FREM2: variants seen among roughly 807,000 people sequenced by gnomAD.
The protein encoded by FREM2 is FRAS1-related extracellular matrix protein 2.
A neutral mutation model predicts 219.9 loss-of-function variants in FREM2; 119 were observed. That is an observed-to-expected ratio of 0.54 (90% CI 0.47 to 0.63). The LOEUF (loss-of-function observed/expected upper bound fraction) is 0.63, where lower values mean the gene tolerates loss of function less well. Ranked by LOEUF, FREM2 falls within the 30% of genes least tolerant of loss-of-function variation. The probability of loss-of-function intolerance (pLI) is 0.00; values close to 1 mark genes in which losing one functional copy is unlikely to be tolerated. For synonymous variants in FREM2, 1,562 were observed against 1,522.8 expected, an observed-to-expected ratio of 1.03 and a Z score of -0.60; for missense variants, 4,030 against 3,993.6, an observed-to-expected ratio of 1.01 and a Z score of -0.25.
intron 2 of FREM2, among the ~76,000 whole-genome samples, chr13:38,746,710 AT>A (rs1281544235): frequency 6.6e-6 from 1 of 152,194 alleles, no homozygotes; most frequent in Admixed American, 6.5e-5. Context: ...GACCAATGGC[AT>A]TCAAGTAAAG....
At chr13:38,693,007 C>A (rs1159546524) in intron 1 of FREM2, among the ~76,000 whole-genome samples, 1 of 152,184 alleles carries the variant, frequency 6.6e-6, no homozygotes, top group Admixed American at 6.5e-5. Context: ...ATTGCTCTGA[C>A]ACGGTTATAG....
At chr13:38,703,669 TA>T (rs2138085850) in intron 2 of FREM2, among the ~76,000 whole-genome samples, 1 of 152,308 alleles carries the variant, frequency 6.6e-6, no homozygotes, top group Admixed American at 6.5e-5. Context: ...CTCAAGTTTT[TA>T]TACCTTTTAG....
rs574693495 is a variant in FREM2 at position 38,858,214 on chromosome 13, C to T, written c.7215+181C>T. Among the ~76,000 whole-genome samples, 31 of 152,144 alleles carry T rather than the reference C, an allele frequency of 2.0e-4. No individual in the cohort carries two copies. In the South Asian group the frequency reaches 5.4e-3, roughly 26 times the overall value. ...AAAGCTCCCATTTTTCTTTCTTCAC[C>T]GAACAAAGGTTCATTAACTGATGTG... On this transcript the variant is annotated intron_variant, in intron 13 of 23. Transcript: ENST00000280481.
chr13:38,864,436 A>G lies in FREM2; in HGVS notation c.7813A>G (p.Ile2605Val). ...GACTGATGCTACCAAAAATCCAGAA[A>G]TAATTGGAGAGACATATCCTTACCA... ...FLTDATKNPE[I>V]IGETYPYQYS... Residue 2605 changes from isoleucine (I) to valine (V), a missense_variant, in exon 16 of 24, where the codon ATA (isoleucine) becomes GTA (valine). By Grantham distance (29) the Ile-to-Val change is conservative. This residue lies in a region of FREM2 where 928 missense variants were observed against 1,042.9 expected (regional missense o/e 0.89). Coordinates refer to ENST00000280481, the MANE Select transcript of FREM2 (RefSeq NM_207361.6). The G allele has an allele frequency of 6.2e-7, 1 of 1,614,210 alleles. No individual in the cohort carries two copies. Among genetic ancestry groups the G allele is most frequent in the Non-Finnish European group, 8.5e-7 (1 of 1,180,022 alleles).
At chr13:38,722,396 A>G (rs978056008) in intron 2 of FREM2, among the ~76,000 whole-genome samples, 1 of 152,056 alleles carries the variant, frequency 6.6e-6, no homozygotes. Context: ...AACAAACTCA[A>G]GTAATTTTAA....
At position 38,880,304 on chromosome 13, in the gene FREM2, GTATATA is replaced by G. The variant is rs1171956375; in HGVS notation, c.9028_9033del (p.Tyr3010_Ile3011del). 6.2e-7 allele frequency: 1 copy of G among 1,613,862 alleles called. No homozygotes were observed. The highest frequency in any genetic ancestry group is 2.2e-5 in the East Asian group (1 of 44,882). ...TCTAGGTCGCTCTAGGCCGAGAATGGTATATACATACGATCTATACAGTGAGATCGA... is the reference window on the plus strand; with the variant it reads ...TCTAGGTCGCTCTAGGCCGAGAATGGCATACGATCTATACAGTGAGATCGA... On this transcript the variant is annotated inframe_deletion, in exon 24 of 24. Transcript: ENST00000280481.
rs1159706060 is a variant in FREM2 at position 38,880,512 on chromosome 13, G to A, written c.9235G>A (p.Ala3079Thr). 25 of 1,613,998 alleles carry A rather than the reference G, an allele frequency of 1.5e-5. No individual in the cohort carries two copies. The highest frequency in any genetic ancestry group is 2.1e-5 in the Non-Finnish European group (25 of 1,180,032). ...NSRGTNIQHI[A>T]LDRTKRQIPH... ...TCGAGGAACAAACATCCAGCACATT[G>A]CCCTGGACCGCACCAAGAGGCAGAT... is the stretch of plus-strand genomic sequence containing the variant. The change falls in exon 24 of 24, where the codon GCC becomes ACC. Residue 3079 changes from alanine (A) to threonine (T), a missense_variant. Transcript: ENST00000280481.
chr13:38,819,563 A>G (rs1327096389), intron 6 of FREM2, among the ~76,000 whole-genome samples: 1 of 152,148 alleles, frequency 6.6e-6, no homozygotes, highest in Non-Finnish European at 1.5e-5. Flanking sequence ...TTAGGATATC[A>G]AGGTTGTGGT....
intron 2 of FREM2, among the ~76,000 whole-genome samples, chr13:38,737,961 A>T (rs1174279271): frequency 6.6e-6 from 1 of 152,130 alleles, no homozygotes; most frequent in Non-Finnish European, 1.5e-5. Context: ...ATGAAATGGG[A>T]GGCAGATACA....
intron 6 of FREM2, among the ~76,000 whole-genome samples, chr13:38,808,538 T>C (rs1401731812): frequency 1.3e-5 from 2 of 151,906 alleles, no homozygotes; most frequent in African/African-American, 2.4e-5. Flanking sequence ...GTAAGCTTAT[T>C]AATTGGCCTG....
At chr13:38,862,873 G>A (rs909907856) in intron 15 of FREM2, among the ~76,000 whole-genome samples, 1 of 152,110 alleles carries the variant, frequency 6.6e-6, no homozygotes, top group Non-Finnish European at 1.5e-5. Flanking sequence ...ATAAAGTTTT[G>A]TTGCACACAG....
intron 6 of FREM2, among the ~76,000 whole-genome samples, chr13:38,790,662 T>A (rs1346373215): frequency 6.6e-6 from 1 of 152,200 alleles, no homozygotes; most frequent in African/African-American, 2.4e-5. Context: ...CAACTAAACT[T>A]TTTATTAGGT....
rs573653505 is a variant in FREM2 at position 38,746,689 on chromosome 13, G to A, written c.5264-17615G>A. 1.6e-3 allele frequency among the ~76,000 whole-genome samples: 246 copies of A among 152,262 alleles called. 1 individual carries two copies. The highest frequency in any genetic ancestry group is 3.4e-3 in the Middle Eastern group (1 of 294). ...TAGGCTGAATAACTAATAAAAAGCC[G>A]CTCTATACCTGACCAATGGCATTCA... On this transcript the variant is annotated intron_variant, in intron 2 of 23. Transcript: ENST00000280481.
chr13:38,772,758 G>T (rs758663706), intron 4 of FREM2, among the ~76,000 whole-genome samples: 6 of 150,776 alleles, frequency 4.0e-5, no homozygotes, highest in African/African-American at 1.2e-4. Flanking sequence ...GTGCAGTGGC[G>T]CCATCTTGGC....
intron 6 of FREM2, among the ~76,000 whole-genome samples, chr13:38,813,470 C>T (rs1172585974): frequency 1.0e-3 from 5 of 4,996 alleles, no homozygotes; most frequent in Admixed American, 2.7e-3. Flanking sequence ...TGTTTTCTCT[C>T]TCTCTCTCTC....
At chr13:38,839,551 G>A (rs1301243121) in intron 6 of FREM2, among the ~76,000 whole-genome samples, 1 of 152,200 alleles carries the variant, frequency 6.6e-6, no homozygotes, top group Non-Finnish European at 1.5e-5. Context: ...GTCTGCTGAA[G>A]CTGTGCCCAC....
chr13:38,764,235 T>C, intron 2 of FREM2, 69 bp from the exon 3 acceptor site: 2 of 1,075,742 alleles, frequency 1.9e-6, no homozygotes, highest in Non-Finnish European at 2.9e-6. Flanking sequence ...ATTAAAGTAA[T>C]CTGTGGAATT....
In FREM2 at chr13:38,690,061, G is replaced by A; in HGVS notation, c.2717G>A (p.Gly906Glu). Residue 906 changes from glycine (G) to glutamate (E), a missense_variant, in exon 1 of 24, where the codon GGG becomes GAG. This residue lies in a region of FREM2 where 3,102 missense variants were observed against 2,950.7 expected (regional missense o/e 1.05). Coordinates refer to ENST00000280481, the MANE Select transcript of FREM2 (RefSeq NM_207361.6). ...GGCCGAGTTTCCTATGCCCATAATG[G>A]GGACAAGTCCCTGACTGATAGCTGC... ...KQGRVSYAHN[G>E]DKSLTDSCSL... The A allele has an allele frequency of 1.9e-6, 3 of 1,613,924 alleles. No homozygotes were observed. Among genetic ancestry groups the A allele is most frequent in the Non-Finnish European group, 8.5e-7 (1 of 1,180,022 alleles).
chr13:38,770,113 A>G (rs990929017), intron 4 of FREM2, among the ~76,000 whole-genome samples: 1 of 147,946 alleles, frequency 6.8e-6, no homozygotes, highest in African/African-American at 2.4e-5. Context: ...TACAATTTTC[A>G]TATTACCAGA....
Sources: allele counts gnomAD v4.1 joint callset (sites outside exome capture counted in the v4.1 genomes callset), GRCh38; gene constraint gnomAD v4.1.1; regional missense constraint gnomAD v4.1.1; transcripts MANE v1.5; gene names NCBI Gene and HGNC (gene_info 2026-07-23, HGNC 2026-07-21).